DDX46: variants seen among roughly 807,000 people sequenced by gnomAD.
The protein encoded by DDX46 is DEAD-box helicase 46.
DDX46 carries 30 observed loss-of-function variants against 134.9 expected under a neutral mutation model. The ratio of observed to expected loss-of-function variants is 0.22; its 90% CI spans 0.17 to 0.30. The LOEUF is 0.30. Ranked by LOEUF, DDX46 falls within the 10% of genes least tolerant of loss-of-function variation. The pLI is 1.00. For synonymous variants in DDX46, 415 were observed against 404.1 expected, an observed-to-expected ratio of 1.03 and a Z score of -0.32; for missense variants, 622 against 1,248.7, an observed-to-expected ratio of 0.50 and a Z score of 7.56.
At chr5:134,812,318 G>C (rs1291138448) in intron 18 of DDX46, among the ~76,000 whole-genome samples, 1 of 151,924 alleles carries the variant, frequency 6.6e-6, no homozygotes, top group African/African-American at 2.4e-5. Context: ...GCTTTCCTTG[G>C]CCTCCCAAAG....
chr5:134,818,149 G>A (rs1279791004), intron 20 of DDX46, among the ~76,000 whole-genome samples: 1 of 151,676 alleles, frequency 6.6e-6, no homozygotes, highest in Non-Finnish European at 1.5e-5. Flanking sequence ...AGTAGAGACA[G>A]GGCTTCACCA....
chr5:134,771,087 T>C (rs200896127), intron 4 of DDX46, 88 bp downstream of exon 4: 2 of 555,004 alleles, frequency 3.6e-6, no homozygotes, highest in East Asian at 4.1e-5. Flanking sequence ...CTTTCTTTCT[T>C]TCTCTTTCTT....
At chr5:134,759,048 G>C in intron 1 of DDX46, 93 bp downstream of exon 1, 1 of 1,560,362 alleles carries the variant, frequency 6.4e-7, no homozygotes. Context: ...GCCAGGCCTG[G>C]CGCGGCCCCA....
At chr5:134,797,003 A>G (rs2150149244) in intron 15 of DDX46, among the ~76,000 whole-genome samples, 1 of 150,786 alleles carries the variant, frequency 6.6e-6, no homozygotes, top group African/African-American at 2.4e-5. Context: ...ATACAAAATT[A>G]GCCGAGCATG....
rs557730564 is a variant in DDX46 at position 134,784,502 on chromosome 5, A to G, written c.1303A>G (p.Met435Val). ...AFLLPMFRHI[M>V]DQRSLEEGEG... ...TCTGTTGCCCATGTTTAGACACATC[A>G]TGGATCAGAGGTCATTAGAGGAAGG... The change falls in exon 10 of 23, where the codon ATG (methionine) becomes GTG (valine). Residue 435 changes from methionine (M) to valine (V), a missense_variant. Coordinates refer to ENST00000452510, the MANE Select transcript of DDX46 (RefSeq NM_001300860.2). 7.4e-6 allele frequency: 12 copies of G among 1,613,870 alleles called. No individual in the cohort carries two copies. In the African/African-American group the frequency reaches 9.3e-5, roughly 13 times the overall value.
intron 7 of DDX46, 30 bp from the exon 8 acceptor site, chr5:134,781,891 A>G (rs1392244757): frequency 1.9e-6 from 3 of 1,581,778 alleles, no homozygotes; most frequent in Non-Finnish European, 2.6e-6. Flanking sequence ...TAATGAACTT[A>G]GCGCTTTAAT....
chr5:134,810,065 T>C (rs1157150755), intron 16 of DDX46, among the ~76,000 whole-genome samples: 1 of 151,944 alleles, frequency 6.6e-6, no homozygotes, highest in Non-Finnish European at 1.5e-5. Flanking sequence ...GGTCAGATTG[T>C]TTTTTTGGTT....
At chr5:134,780,997 C>T (rs979521511) in intron 6 of DDX46, 136 bp from the exon 7 acceptor site, 1 of 564,456 alleles carries the variant, frequency 1.8e-6, no homozygotes, top group Non-Finnish European at 2.9e-6. Flanking sequence ...CCACTCAAGC[C>T]TGGGTGACTG....
chr5:134,809,981 C>G (rs1239543226), intron 16 of DDX46, among the ~76,000 whole-genome samples: 1 of 152,132 alleles, frequency 6.6e-6, no homozygotes, highest in African/African-American at 2.4e-5. Context: ...CCATTGCACT[C>G]CAGCCTGGGC....
intron 13 of DDX46, among the ~76,000 whole-genome samples, chr5:134,793,484 A>G (rs1281051355): frequency 1.3e-5 from 2 of 152,142 alleles, no homozygotes; most frequent in African/African-American, 4.8e-5. Flanking sequence ...GGCTCACTGC[A>G]ACCTCCGCCT....
intron 16 of DDX46, among the ~76,000 whole-genome samples, chr5:134,809,172 G>C (rs919057470): frequency 6.6e-6 from 1 of 151,974 alleles, no homozygotes; most frequent in Non-Finnish European, 1.5e-5. Context: ...ATATTTTTTT[G>C]GAAAGGGCCA....
chr5:134,818,776 C>A, intron 20 of DDX46, 84 bp from the exon 21 acceptor site: 3 of 1,172,868 alleles, frequency 2.6e-6, no homozygotes, highest in Non-Finnish European at 3.6e-6. Flanking sequence ...AATATGATAT[C>A]AGCCAGCCTA....
At chr5:134,791,556 G>A (rs1053224824) in intron 13 of DDX46, among the ~76,000 whole-genome samples, 1 of 147,844 alleles carries the variant, frequency 6.8e-6, no homozygotes, top group Non-Finnish European at 1.5e-5. Flanking sequence ...GCGAGACTCC[G>A]TCTCAAAAAA....
At chr5:134,779,535 G>A (rs572314287) in intron 6 of DDX46, among the ~76,000 whole-genome samples, 21 of 151,818 alleles carry the variant, frequency 1.4e-4, no homozygotes, top group Admixed American at 3.9e-4. Flanking sequence ...TTAGAGACAG[G>A]GTCTCGCTGT....
Position 134,821,317 on chromosome 5 carries a change from C to T in DDX46, c.2977+2313C>T, listed in dbSNP as rs184040754. Among the ~76,000 whole-genome samples, 380 of 152,062 alleles carry T rather than the reference C, an allele frequency of 2.5e-3. 1 individual carries two copies. The highest frequency in any genetic ancestry group is 7.8e-3 in the African/African-American group (322 of 41,490). ...TCGGCCTCCCAAAGTGCTGGGATTA[C>T]AGGCGTGAGCCACTGCGCCCGGCCA... On this transcript the variant is annotated intron_variant, in intron 21 of 22. Transcript: ENST00000452510.
chr5:134,776,742 C>G (rs1267766975), intron 5 of DDX46, among the ~76,000 whole-genome samples: 2 of 151,690 alleles, frequency 1.3e-5, no homozygotes, highest in Non-Finnish European at 2.9e-5. Context: ...TGGTGAAACC[C>G]CGTCTCTACT....
chr5:134,806,799 CAG>C, intron 15 of DDX46, among the ~76,000 whole-genome samples: 1 of 152,196 alleles, frequency 6.6e-6, no homozygotes, highest in Admixed American at 6.5e-5. Context: ...TCTCTATTAC[CAG>C]AGTTTCCTGG....
chr5:134,826,902 G>C (rs752587698), intron 21 of DDX46, 45 bp from the exon 22 acceptor site: 1 of 1,589,012 alleles, frequency 6.3e-7, no homozygotes, highest in Admixed American at 1.8e-5. Flanking sequence ...TAAACACAGT[G>C]TAAGTTTAGT....
rs2150154869 is a variant in DDX46, at chr5:134,807,800, C to T, written c.2007C>T (p.Thr669=). The change falls in exon 16 of 23, where the codon ACC becomes ACT. Residue 669 remains threonine (T), a synonymous_variant. Transcript: ENST00000452510. The part of the protein sequence containing the change: ...DSIINDFKNG[T]CKLLVATSVA... ...TCATAAATGACTTTAAGAATGGGAC[C>T]TGCAAACTTCTTGTGGCTACCTCTG... 2 of 1,614,064 alleles carry T rather than the reference C, an allele frequency of 1.2e-6. No individual in the cohort carries two copies. Among genetic ancestry groups the T allele is most frequent in the African/African-American group, 1.3e-5 (1 of 75,000 alleles).
Sources: gnomAD v4.1 joint callset for allele counts (sites outside exome capture counted in the v4.1 genomes callset) on GRCh38, gnomAD v4.1.1 for gene constraint, MANE v1.5 for transcripts, NCBI Gene and HGNC (gene_info 2026-07-23, HGNC 2026-07-21) for gene names.